Variants in CC2D2B observed in about 807,000 individuals in gnomAD.
CC2D2B encodes coiled-coil and C2 domain containing 2B, also known as protein CC2D2B.
Under a neutral mutation model 161.2 loss-of-function variants are expected in CC2D2B, and 128 were observed. The observed-to-expected ratio is 0.79, with a 90% CI of 0.69 to 0.92. The LOEUF is 0.92. CC2D2B is among the 40% of genes least tolerant of loss of function. The probability of loss-of-function intolerance (pLI) is 0.00; values close to 1 mark genes in which losing one functional copy is unlikely to be tolerated. For missense variants in CC2D2B, 1,173 were observed against 1,375.1 expected (o/e 0.85, Z 2.32); for synonymous variants, 391 against 449.8 (o/e 0.87, Z 1.65).
intron 9 of CC2D2B, among the ~76,000 whole-genome samples, chr10:95,940,790 T>A (rs1423052298): frequency 1.3e-5 from 2 of 152,176 alleles, no homozygotes; most frequent in Non-Finnish European, 2.9e-5. Flanking sequence ...GTTAAAAATA[T>A]CCATACTACC....
chr10:95,980,520 G>A (rs1010700087), intron 17 of CC2D2B, among the ~76,000 whole-genome samples: 1 of 152,098 alleles, frequency 6.6e-6, no homozygotes, highest in African/African-American at 2.4e-5. Context: ...GGTGATCTGG[G>A]CTAAGACTGT....
intron 32 of CC2D2B, chr10:96,022,721 G>GA (rs972843528): frequency 2.0e-5 from 3 of 152,192 alleles, no homozygotes; most frequent in Admixed American, 6.5e-5. Context: ...GATACTACAA[G>GA]AAAAAAGACA....
At chr10:95,933,795 C>T (rs1184687457) in intron 6 of CC2D2B, among the ~76,000 whole-genome samples, 1 of 152,194 alleles carries the variant, frequency 6.6e-6, no homozygotes, top group Non-Finnish European at 1.5e-5. Flanking sequence ...CAGCGGAGCT[C>T]TCCTGTATGA....
chr10:95,930,645 C>T (rs2098548378), intron 6 of CC2D2B, among the ~76,000 whole-genome samples: 1 of 152,096 alleles, frequency 6.6e-6, no homozygotes, highest in Non-Finnish European at 1.5e-5. Context: ...TTGAGATAGT[C>T]ATGTGGTTTT....
chr10:96,027,059 G>A (rs780969084), intron 33 of CC2D2B, 153 bp from the exon 34 acceptor site: 51 of 476,856 alleles, frequency 1.1e-4, no homozygotes, highest in Non-Finnish European at 1.7e-4. Flanking sequence ...GGAGGCAGAG[G>A]TTTCAGTGAG....
chr10:95,927,196 A>T, intron 5 of CC2D2B, 41 bp from the exon 6 acceptor site: 1 of 1,142,672 alleles, frequency 8.8e-7, no homozygotes, highest in Non-Finnish European at 1.3e-6. Flanking sequence ...TTATAAGCAG[A>T]AAAAGTGTTT....
chr10:95,967,532 A>G (rs2076981284), intron 14 of CC2D2B, among the ~76,000 whole-genome samples: 1 of 152,220 alleles, frequency 6.6e-6, no homozygotes. Flanking sequence ...TATAGAGGAT[A>G]GAAGTGAAAA....
At chr10:95,939,912 GTC>G (rs2075964722) in intron 9 of CC2D2B, among the ~76,000 whole-genome samples, 1 of 152,028 alleles carries the variant, frequency 6.6e-6, no homozygotes, top group African/African-American at 2.4e-5. Context: ...TTTTCTCACT[GTC>G]TGTATTAGTC....
At chr10:95,927,604 G>T (rs1457335984) in intron 6 of CC2D2B, among the ~76,000 whole-genome samples, 6 of 151,732 alleles carry the variant, frequency 4.0e-5, no homozygotes, top group African/African-American at 1.5e-4. Flanking sequence ...ATCTTTACAG[G>T]TAACGAAAAT....
intron 2 of CC2D2B, among the ~76,000 whole-genome samples, chr10:95,915,702 A>T (rs2098514915): frequency 6.6e-6 from 1 of 152,140 alleles, no homozygotes; most frequent in Non-Finnish European, 1.5e-5. Context: ...GATGTATCAC[A>T]TTGATTGATT....
intron 9 of CC2D2B, among the ~76,000 whole-genome samples, chr10:95,942,511 A>C (rs2076058793): frequency 6.6e-6 from 1 of 151,794 alleles, no homozygotes; most frequent in Non-Finnish European, 1.5e-5. Flanking sequence ...CTTTCCCTTT[A>C]TTTCTTTTAT....
intron 14 of CC2D2B, among the ~76,000 whole-genome samples, chr10:95,967,933 C>A (rs2076997669): frequency 6.6e-6 from 1 of 152,168 alleles, no homozygotes; most frequent in Non-Finnish European, 1.5e-5. Context: ...TTCCACCCAG[C>A]CTTCTCCCTT....
chr10:96,015,618 C>T (rs2079164741), intron 29 of CC2D2B, among the ~76,000 whole-genome samples: 1 of 152,062 alleles, frequency 6.6e-6, no homozygotes, highest in Non-Finnish European at 1.5e-5. Context: ...TACTTTTTCT[C>T]CCCTGCTATA....
intron 12 of CC2D2B, among the ~76,000 whole-genome samples, chr10:95,963,156 GC>G (rs1255590869): frequency 6.6e-6 from 1 of 152,170 alleles, no homozygotes; most frequent in Non-Finnish European, 1.5e-5. Flanking sequence ...GCTGGCCCCA[GC>G]TGGGGTAGCC....
At chr10:96,029,241 CATATAT>C (rs56195141) in intron 34 of CC2D2B, among the ~76,000 whole-genome samples, 2,023 of 66,868 alleles carry the variant, frequency 0.03, 19 homozygotes, top group East Asian at 0.094. Context: ...TTTCATGTAC[CATATAT>C]ATATATATAT....
intron 17 of CC2D2B, among the ~76,000 whole-genome samples, chr10:95,976,633 A>C (rs1278701499): frequency 2.6e-5 from 4 of 152,208 alleles, no homozygotes; most frequent in Non-Finnish European, 5.9e-5. Flanking sequence ...CAGAGAATGA[A>C]GCCAAAGGAG....
chr10:95,988,199 T>C (rs1301594867), intron 19 of CC2D2B, 51 bp from the exon 20 acceptor site: 3 of 678,058 alleles, frequency 4.4e-6, no homozygotes, highest in Non-Finnish European at 6.2e-6. Flanking sequence ...ATGTGTCATA[T>C]GTGAACTCTT....
rs769303335 is a variant in CC2D2B, at chr10:95,983,597, G to A, written c.2083-9G>A. ...TTAATATTTTAACTAAAGACTTTGC[G>A]TTTTACAGTACATGAGACTTAAGGG... On this transcript the variant is annotated splice_polypyrimidine_tract_variant and intron_variant, in intron 18 of 34. Transcript: ENST00000646931. 8.7e-5 allele frequency: 105 copies of A among 1,213,780 alleles called. No individual in the cohort carries two copies. The highest frequency in any genetic ancestry group is 2.9e-4 in the South Asian group (7 of 23,966). The allele number at this position is 1,213,780 out of a possible 1,614,324, so 75.2% of individuals were successfully genotyped here.
At chr10:96,019,173 C>T in intron 30 of CC2D2B, 30 bp from the exon 31 acceptor site, 11 of 1,533,096 alleles carry the variant, frequency 7.2e-6, no homozygotes, top group Non-Finnish European at 9.7e-6. Flanking sequence ...TTTAAATCCA[C>T]CAAAAATTAC....
Sources: gnomAD v4.1 joint callset for allele counts (sites outside exome capture counted in the v4.1 genomes callset) on GRCh38, gnomAD v4.1.1 for gene constraint, MANE v1.5 for transcripts, NCBI Gene and HGNC (gene_info 2026-07-23, HGNC 2026-07-21) for gene names.